Variants in STOML3 observed in about 807,000 individuals in gnomAD.
STOML3 encodes the protein stomatin-like protein 3.
Under a neutral mutation model 29.5 loss-of-function variants are expected in STOML3, and 31 were observed. The observed-to-expected ratio is 1.05, with a 90% CI of 0.79 to 1.42. The LOEUF (loss-of-function observed/expected upper bound fraction) is 1.42. STOML3 is among the 40% of genes most tolerant of loss of function. The probability of loss-of-function intolerance (pLI) is 0.00; values close to 1 mark genes in which losing one functional copy is unlikely to be tolerated. For synonymous variants in STOML3, 122 were observed against 139.8 expected (o/e 0.87, Z 0.90); for missense variants, 380 against 363.0 (o/e 1.05, Z -0.38).
chr13:38,987,586 T>C (rs1868633340), intron 1 of STOML3, among the ~76,000 whole-genome samples: 1 of 149,120 alleles, frequency 6.7e-6, no homozygotes, highest in Non-Finnish European at 1.5e-5. Context: ...ATATATTAAA[T>C]AATTTCCTCA....
chr13:38,973,414 A>C (rs1049439319), intron 3 of STOML3, among the ~76,000 whole-genome samples: 1 of 152,210 alleles, frequency 6.6e-6, no homozygotes, highest in Non-Finnish European at 1.5e-5. Context: ...TATTTCATAT[A>C]GTTCTGCAGC....
Position 38,976,771 on chromosome 13 carries a change from A to T in STOML3, c.79T>A (p.Cys27Ser), listed in dbSNP as rs754808671. The T allele has an allele frequency of 3.1e-6, 5 of 1,613,946 alleles. No homozygotes were observed. The highest frequency in any genetic ancestry group is 1.1e-5 in the South Asian group (1 of 91,034). The change falls in exon 2 of 7, where the codon TGT (cysteine) becomes AGT (serine). Residue 27 changes from cysteine (C) to serine (S), a missense_variant. Cys to Ser is a moderately radical substitution (Grantham distance 112). Coordinates refer to ENST00000379631, the MANE Select transcript of STOML3 (RefSeq NM_145286.3). ...GAGAGGGAAAACAGGATCCAGCCAC[A>T]TACACCAAGCCGTTTATTGTTGACA... ...VGVNNKRLGVCGWILFSLSFL... is the reference protein window; with the variant it reads ...VGVNNKRLGVSGWILFSLSFL...
chr13:38,989,525 C>T (rs1868910996), intron 1 of STOML3, among the ~76,000 whole-genome samples: 1 of 150,722 alleles, frequency 6.6e-6, no homozygotes, highest in Non-Finnish European at 1.5e-5. Flanking sequence ...CTTTGTTAGG[C>T]AGGGTCTCAC....
rs1868976144 is a variant in STOML3 at position 38,990,818 on chromosome 13, A to T, written c.-97T>A. On this transcript the variant is annotated 5_prime_UTR_variant, in exon 1 of 7. Coordinates refer to ENST00000379631, the MANE Select transcript of STOML3 (RefSeq NM_145286.3). ...AACTCAGATGTGCTTGGGAGAGGGG[A>T]GAGGAGAAAGTATGAGAGAGTGAAA... 1 of 1,104,632 alleles carries T rather than the reference A, an allele frequency of 9.1e-7. No homozygotes were observed. Among genetic ancestry groups the T allele is most frequent in the African/African-American group, 1.5e-5 (1 of 64,754 alleles). 68.4% of individuals were successfully genotyped at this position (1,104,632 alleles called of 1,614,324 possible).
In STOML3 at chr13:38,990,677, A is replaced by AG. The variant is rs777810870; in HGVS notation, c.44_45insC (p.Val17ArgfsTer6). Reference sequence around the variant, plus strand: ...CAGGAAAAAGGAACTTACCCACGAAATTCTCTTTATCTTGCTTCTCAGGTG... The same window carrying AG: ...CAGGAAAAAGGAACTTACCCACGAAAGTTCTCTTTATCTTGCTTCTCAGGTG... On this transcript the variant is annotated frameshift_variant, in exon 1 of 7. Transcript: ENST00000379631. LOFTEE classifies it high-confidence loss of function. 9.3e-6 allele frequency: 15 copies of AG among 1,613,842 alleles called. No homozygotes were observed. Among genetic ancestry groups the AG allele is most frequent in the Admixed American group, 1.7e-5 (1 of 59,990 alleles).
At chr13:38,988,387 C>A (rs1456710720) in intron 1 of STOML3, among the ~76,000 whole-genome samples, 1 of 86,504 alleles carries the variant, frequency 1.2e-5, no homozygotes, top group Non-Finnish European at 2.0e-5. Flanking sequence ...TATTTTATAT[C>A]ATATATTTTA....
At chr13:38,989,150 G>A (rs144000006) in intron 1 of STOML3, among the ~76,000 whole-genome samples, 1,588 of 151,512 alleles carry the variant, frequency 0.01, 14 homozygotes, top group South Asian at 0.046. Context: ...AACTACAAAA[G>A]CACAGGAAAT....
Position 38,987,142 on chromosome 13 carries a change from T to G in STOML3, c.52+3528A>C, listed in dbSNP as rs141557676. ...ATTTATACCATTTCCACTGTGTAAA[T>G]ATCACCTACCCCTTCAGGTGATTCT... On this transcript the variant is annotated intron_variant, in intron 1 of 6. Transcript: ENST00000379631. Among the ~76,000 whole-genome samples, 724 of 152,218 alleles carry G rather than the reference T, an allele frequency of 4.8e-3. 2 individuals are homozygous for G. The highest frequency in any genetic ancestry group is 8.3e-3 in the South Asian group (40 of 4,828).
At chr13:38,984,731 A>C (rs1868440862) in intron 1 of STOML3, among the ~76,000 whole-genome samples, 2 of 152,216 alleles carry the variant, frequency 1.3e-5, no homozygotes, top group African/African-American at 4.8e-5. Context: ...CGTATTTCTC[A>C]GAATGTATCC....
At position 38,988,280 on chromosome 13, in the gene STOML3, ATATAT is replaced by A. The variant is rs1461943175; in HGVS notation, c.52+2385_52+2389del. Among the ~76,000 whole-genome samples, 2 of 81,838 alleles carry A rather than the reference ATATAT, an allele frequency of 2.4e-5. 1 individual carries two copies. The highest frequency in any genetic ancestry group is 4.0e-5 in the Non-Finnish European group (2 of 50,232). The allele number at this position is 81,838 out of a possible 152,430, so 53.7% of individuals were successfully genotyped here. On this transcript the variant is annotated intron_variant, in intron 1 of 6. Transcript: ENST00000379631. Reference sequence around the variant, plus strand: ...TTTTATATCATATATTATATATAAAATATATTATATTTTATATCATATATTTTATA... The same window carrying A: ...TTTTATATCATATATTATATATAAAATATATTTTATATCATATATTTTATA...
At chr13:38,983,855 T>C (rs1302051007) in intron 1 of STOML3, among the ~76,000 whole-genome samples, 4 of 152,198 alleles carry the variant, frequency 2.6e-5, no homozygotes. Context: ...TTCTCTCTTT[T>C]CTTTTCTTAA....
At chr13:38,975,636 G>A (rs1047161995) in intron 3 of STOML3, among the ~76,000 whole-genome samples, 4 of 152,114 alleles carry the variant, frequency 2.6e-5, no homozygotes, top group African/African-American at 9.7e-5. Context: ...CATTTCCAGA[G>A]TATTAGAATT....
chr13:38,967,159 CAT>C (rs1880688507), intron 6 of STOML3, 110 bp from the exon 7 acceptor site: 3 of 912,690 alleles, frequency 3.3e-6, no homozygotes, highest in African/African-American at 1.7e-5. Context: ...CATGTTGCCA[CAT>C]GTGTTTCATC....
intron 1 of STOML3, among the ~76,000 whole-genome samples, chr13:38,985,280 G>T (rs1868464242): frequency 6.6e-6 from 1 of 152,050 alleles, no homozygotes; most frequent in African/African-American, 2.4e-5. Context: ...AAAATTAGCT[G>T]GGTGTGGTGG....
chr13:38,981,912 T>G (rs1355680312), intron 1 of STOML3, among the ~76,000 whole-genome samples: 1 of 152,192 alleles, frequency 6.6e-6, no homozygotes, highest in African/African-American at 2.4e-5. Context: ...AACTTCCAAC[T>G]AATACCTGAG....
At chr13:38,987,958 T>A (rs1305337482) in intron 1 of STOML3, among the ~76,000 whole-genome samples, 17 of 73,094 alleles carry the variant, frequency 2.3e-4, no homozygotes, top group African/African-American at 1.1e-3. Flanking sequence ...ATATTATATT[T>A]TATATAATAT....
intron 4 of STOML3, among the ~76,000 whole-genome samples, 164 bp downstream of exon 4, chr13:38,972,348 T>C (rs1222623257): frequency 2.0e-5 from 3 of 152,188 alleles, no homozygotes; most frequent in Non-Finnish European, 4.4e-5. Flanking sequence ...ACATTCTTTG[T>C]AGTTTTGGGA....
chr13:38,977,296 T>C (rs1202368692), intron 1 of STOML3, among the ~76,000 whole-genome samples: 1 of 152,240 alleles, frequency 6.6e-6, no homozygotes, highest in Non-Finnish European at 1.5e-5. Flanking sequence ...ATGTGAGCTC[T>C]GTCACTTACC....
intron 1 of STOML3, 36 bp from the exon 2 acceptor site, chr13:38,976,833 G>A: frequency 6.3e-7 from 1 of 1,577,286 alleles, no homozygotes; most frequent in Non-Finnish European, 8.7e-7. Context: ...TGTGATCAAT[G>A]TGGTTATTAA....
Sources: allele counts gnomAD v4.1 joint callset (sites outside exome capture counted in the v4.1 genomes callset), GRCh38; gene constraint gnomAD v4.1.1; transcripts MANE v1.5; gene names NCBI Gene and HGNC (gene_info 2026-07-23, HGNC 2026-07-21).